SCAP: variants seen among roughly 807,000 people sequenced by gnomAD.
SCAP encodes the protein SREBF chaperone.
A neutral mutation model predicts 123.6 loss-of-function variants in SCAP; 65 were observed. The observed-to-expected ratio is 0.53, with a 90% CI of 0.43 to 0.65. The LOEUF is 0.65. Among genes scored for constraint, SCAP ranks in the 30% least tolerant of loss-of-function variants. The pLI, the probability that SCAP is intolerant of heterozygous loss-of-function variation, is 0.00. For synonymous variants in SCAP, 740 were observed against 726.3 expected, an observed-to-expected ratio of 1.02 and a Z score of -0.30; for missense variants, 1,398 against 1,712.5, an observed-to-expected ratio of 0.82 and a Z score of 3.24.
chr3:47,425,658 C>T (rs1225672113), intron 7 of SCAP, 47 bp from the exon 8 acceptor site: 8 of 1,600,120 alleles, frequency 5.0e-6, no homozygotes, highest in Non-Finnish European at 4.3e-6. Context: ...CCCCAGCCCC[C>T]GGCCCACTGG....
intron 22 of SCAP, 35 bp from the exon 23 acceptor site, chr3:47,414,134 T>C (rs1331854588): frequency 1.9e-6 from 3 of 1,613,274 alleles, no homozygotes; most frequent in African/African-American, 2.7e-5. Flanking sequence ...CAGTCCTGAG[T>C]CCTTCCCTAA....
intron 1 of SCAP, among the ~76,000 whole-genome samples, chr3:47,462,483 A>G (rs573238299): frequency 3.3e-5 from 5 of 152,282 alleles, no homozygotes; most frequent in African/African-American, 1.2e-4. Flanking sequence ...CTTATGATCA[A>G]ACACCATCAG....
chr3:47,434,207 A>C (rs1251104192), intron 3 of SCAP, among the ~76,000 whole-genome samples: 1 of 152,234 alleles, frequency 6.6e-6, no homozygotes, highest in Non-Finnish European at 1.5e-5. Flanking sequence ...TATGACTGTC[A>C]GAGAGAAGGG....
intron 1 of SCAP, among the ~76,000 whole-genome samples, chr3:47,455,634 C>T (rs906037998): frequency 6.7e-6 from 1 of 149,676 alleles, no homozygotes. Context: ...AAAGAAATCT[C>T]TGAAACTCCG....
chr3:47,430,640 ACAAAG>A (rs772310104), intron 3 of SCAP, among the ~76,000 whole-genome samples: 3 of 152,232 alleles, frequency 2.0e-5, no homozygotes, highest in Non-Finnish European at 4.4e-5. Flanking sequence ...TAATCAGTTG[ACAAAG>A]CAAAGCCCAG....
At chr3:47,414,750 C>A in intron 20 of SCAP, 77 bp downstream of exon 20, 2 of 1,605,676 alleles carry the variant, frequency 1.2e-6, no homozygotes, top group Non-Finnish European at 1.7e-6. Context: ...ACTCTTCCAG[C>A]CTCTCCCTGA....
At chr3:47,472,386 A>G (rs1326793001) in intron 1 of SCAP, among the ~76,000 whole-genome samples, 1 of 150,320 alleles carries the variant, frequency 6.7e-6, no homozygotes, top group Non-Finnish European at 1.5e-5. Flanking sequence ...GTGAGCCGAG[A>G]TTGCGCCACT....
Position 47,413,796 on chromosome 3 carries a change from A to G in SCAP, c.*58T>C, listed in dbSNP as rs1452090460. 2 of 1,573,368 alleles carry G rather than the reference A, an allele frequency of 1.3e-6. No homozygotes were observed. The highest frequency in any genetic ancestry group is 2.7e-5 in the African/African-American group (2 of 74,174). ...GGCTCTTTCCCCCAAGTCCAGGTTC[A>G]GTGCATTGGCCCCCACACAGCACCC... On this transcript the variant is annotated 3_prime_UTR_variant, in exon 23 of 23. Coordinates refer to ENST00000265565, the MANE Select transcript of SCAP (RefSeq NM_012235.4).
intron 6 of SCAP, among the ~76,000 whole-genome samples, chr3:47,426,904 G>A (rs1706157377): frequency 6.6e-6 from 1 of 152,204 alleles, no homozygotes; most frequent in Admixed American, 6.5e-5. Flanking sequence ...AGAGAGACCA[G>A]AGGAGGCACC....
At position 47,417,808 on chromosome 3, in the gene SCAP, ACT is replaced by A; in HGVS notation, c.2464_2465del (p.Ser822TrpfsTer7). 1 of 1,397,324 alleles carries A rather than the reference ACT, an allele frequency of 7.2e-7. No individual in the cohort carries two copies. Among genetic ancestry groups the A allele is most frequent in the Non-Finnish European group, 9.5e-7 (1 of 1,054,642 alleles). The allele number at this position is 1,397,324 out of a possible 1,614,324, so 86.6% of individuals were successfully genotyped here. A position where few individuals can be genotyped will look rare whatever the true frequency, so the allele number is the denominator to read the frequency against. ...IPRPGRQRRD[S>X]GVGSGLEAQE... is the part of the protein sequence containing the mutation. ...GAGCCTCAAGCCCGCTGCCCACGCC[ACT>A]GTCCCGGCGCTGCCTGCTGGGGGCC... On this transcript the variant is annotated frameshift_variant, in exon 17 of 23. Transcript: ENST00000265565. LOFTEE classifies it high-confidence loss of function.
chr3:47,463,210 C>T, intron 1 of SCAP, among the ~76,000 whole-genome samples: 1 of 152,120 alleles, frequency 6.6e-6, no homozygotes, highest in East Asian at 1.9e-4. Flanking sequence ...TACAACAAGC[C>T]CACATCTGAA....
At chr3:47,433,236 G>GC (rs557404653) in intron 3 of SCAP, among the ~76,000 whole-genome samples, 11 of 152,106 alleles carry the variant, frequency 7.2e-5, no homozygotes, top group Admixed American at 1.3e-4. Flanking sequence ...AGTATCGCTG[G>GC]CCTGTATCTT....
chr3:47,434,829 C>CT lies in SCAP; in HGVS notation c.252+178dup, dbSNP rs1189474632. ...TCCAGCCTGGACAACAGGAGCAAAA[C>CT]TCCATCTCAAAAAAAAATGTATAAA... On this transcript the variant is annotated intron_variant, in intron 3 of 22. Coordinates refer to ENST00000265565, the MANE Select transcript of SCAP (RefSeq NM_012235.4). 5.8e-6 allele frequency: 4 copies of CT among 690,572 alleles called. No individual in the cohort carries two copies. In the African/African-American group the frequency reaches 7.3e-5, roughly 13 times the overall value. 42.8% of individuals were successfully genotyped at this position (690,572 alleles called of 1,614,324 possible). A position where few individuals can be genotyped will look rare whatever the true frequency, so the allele number is the denominator to read the frequency against.
intron 9 of SCAP, 122 bp downstream of exon 9, chr3:47,423,811 C>G: frequency 1.4e-6 from 1 of 721,034 alleles, no homozygotes; most frequent in Non-Finnish European, 2.4e-6. Flanking sequence ...CATATTATGC[C>G]GGAGGCAAGA....
At position 47,418,149 on chromosome 3, in the gene SCAP, C is replaced by G; in HGVS notation, c.2432G>C (p.Arg811Pro). 6.4e-7 allele frequency: 1 copy of G among 1,564,852 alleles called. No individual in the cohort carries two copies. Among genetic ancestry groups the G allele is most frequent in the Non-Finnish European group, 8.7e-7 (1 of 1,155,466 alleles). The change falls in exon 16 of 23, where the codon CGC (arginine) becomes CCC (proline). Residue 811 changes from arginine to proline, a missense_variant. Physicochemically the swap from Arg to Pro is moderately radical, Grantham distance 103. Around this residue, in one of 7 missense-constraint regions of SCAP, gnomAD observed 828 missense variants for 882.5 expected, o/e 0.94. Transcript: ENST00000265565. Reference sequence around the variant, plus strand: ...CCGCACCTACCCTGGGCGCGGAATGCGCGTTAGGCAATCCCCGGTCTGCGC... The same window carrying G: ...CCGCACCTACCCTGGGCGCGGAATGGGCGTTAGGCAATCCCCGGTCTGCGC... ...WDAQTGDCLT[R>P]IPRPGRQRRD...
chr3:47,466,487 T>C (rs1707835574), intron 1 of SCAP, among the ~76,000 whole-genome samples: 1 of 152,028 alleles, frequency 6.6e-6, no homozygotes, highest in Non-Finnish European at 1.5e-5. Flanking sequence ...AACCCAAAAA[T>C]AAACTCTCAC....
intron 1 of SCAP, among the ~76,000 whole-genome samples, chr3:47,446,908 C>A (rs1038513229): frequency 6.6e-6 from 1 of 152,150 alleles, no homozygotes; most frequent in Non-Finnish European, 1.5e-5. Flanking sequence ...CACACCATTG[C>A]ACTCTAGCCT....
rs139700112 is a variant in SCAP at position 47,442,525 on chromosome 3, C to A, written c.122+347G>T. On this transcript the variant is annotated intron_variant, in intron 2 of 22. Coordinates refer to ENST00000265565, the MANE Select transcript of SCAP (RefSeq NM_012235.4). ...TCGCAACACACAAAAAAGGCTCTTG[C>A]ACTTAACCAGGTACTAAAACGAAAC... 2.7e-3 allele frequency among the ~76,000 whole-genome samples: 410 copies of A among 152,328 alleles called. 3 individuals carry two copies. The highest frequency in any genetic ancestry group is 8.7e-3 in the African/African-American group (362 of 41,580).
At position 47,428,545 on chromosome 3, in the gene SCAP, C is replaced by T. The variant is rs566650663; in HGVS notation, c.378G>A (p.Val126=). ...TCAGCACGTGGTTCCGGATCTCCTCCACCAGTTGGAATGCCCGGGACAAAG... is the reference window on the plus strand; with the variant it reads ...TCAGCACGTGGTTCCGGATCTCCTCTACCAGTTGGAATGCCCGGGACAAAG... ...RSPLSRAFQL[V]EEIRNHVLRD... is the part of the protein sequence containing the mutation. The change falls in exon 4 of 23, where the codon GTG becomes GTA. Residue 126 remains valine, a synonymous_variant. Transcript: ENST00000265565. The T allele has an allele frequency of 3.3e-4, 533 of 1,614,126 alleles. 13 individuals are homozygous for T. The South Asian group carries it at 5.2e-3, about 16-fold the overall frequency.
Sources: gnomAD v4.1 joint callset for allele counts (sites outside exome capture counted in the v4.1 genomes callset) on GRCh38, gnomAD v4.1.1 for gene constraint, gnomAD v4.1.1 regional missense constraint, MANE v1.5 for transcripts, NCBI Gene and HGNC (gene_info 2026-07-23, HGNC 2026-07-21) for gene names.